The following PDE10A variants were observed in gnomAD, a reference collection of about 807,000 sequenced individuals.
The protein encoded by PDE10A is cAMP and cAMP-inhibited cGMP 3',5'-cyclic phosphodiesterase 10A.
A neutral mutation model predicts 97.7 loss-of-function variants in PDE10A; 39 were observed. That is an observed-to-expected ratio of 0.40 (90% CI 0.31 to 0.52). PDE10A has a LOEUF of 0.52. Ranked by LOEUF, PDE10A falls within the 20% of genes least tolerant of loss-of-function variation. The probability of loss-of-function intolerance (pLI) is 0.56; values close to 1 mark genes in which losing one functional copy is unlikely to be tolerated. For missense variants in PDE10A, 731 were observed against 1,047.8 expected (o/e 0.70, Z 4.17); for synonymous variants, 371 against 376.8 (o/e 0.98, Z 0.18).
chr6:165,482,153 C>A (rs1000271398), intron 3 of PDE10A, among the ~76,000 whole-genome samples, 162 bp downstream of exon 3: 5 of 152,202 alleles, frequency 3.3e-5, no homozygotes, highest in Non-Finnish European at 7.3e-5. Flanking sequence ...TTTGCACCCT[C>A]TCTACTGACT....
intron 1 of PDE10A, among the ~76,000 whole-genome samples, chr6:165,725,794 A>T (rs9365916): frequency 0.65 from 98,761 of 151,998 alleles, 32,613 homozygotes; most frequent in African/African-American, 0.75. Flanking sequence ...CTGTAAAGAC[A>T]CATTCTTTCT....
intron 1 of PDE10A, among the ~76,000 whole-genome samples, chr6:165,837,974 C>T (rs1163044887): frequency 1.3e-5 from 2 of 152,096 alleles, no homozygotes; most frequent in Admixed American, 6.6e-5. Flanking sequence ...CGTGAGCCAC[C>T]TATATCTCTC....
chr6:165,428,507 G>T (rs1163051484), intron 10 of PDE10A, 151 bp downstream of exon 10: 2 of 568,990 alleles, frequency 3.5e-6, no homozygotes, highest in Non-Finnish European at 6.3e-6. Context: ...ATTAACGCAA[G>T]TGACAAACAG....
chr6:165,725,503 C>G (rs1582997868), intron 1 of PDE10A, among the ~76,000 whole-genome samples: 1 of 152,206 alleles, frequency 6.6e-6, no homozygotes, highest in Non-Finnish European at 1.5e-5. Context: ...CATCATACAC[C>G]CTGCAAGGGG....
intron 1 of PDE10A, among the ~76,000 whole-genome samples, chr6:165,742,099 T>C (rs1792740492): frequency 6.6e-6 from 1 of 152,196 alleles, no homozygotes; most frequent in Non-Finnish European, 1.5e-5. Context: ...TCTCATTTAA[T>C]TATCACACCT....
At chr6:165,663,831 A>T (rs1218469634), upstream of PDE10A, among the ~76,000 whole-genome samples, 4 of 152,202 alleles carry the variant, frequency 2.6e-5, no homozygotes, top group Non-Finnish European at 5.9e-5. Flanking sequence ...GCCTTGCCAT[A>T]TGCGGCTCTC....
intron 1 of PDE10A, among the ~76,000 whole-genome samples, chr6:165,808,539 G>A (rs1779198497): frequency 6.6e-6 from 1 of 152,190 alleles, no homozygotes; most frequent in African/African-American, 2.4e-5. Flanking sequence ...AGTTAGATGA[G>A]ATGATCTCTC....
chr6:165,531,802 T>G (rs1782793580), intron 2 of PDE10A, among the ~76,000 whole-genome samples: 1 of 152,180 alleles, frequency 6.6e-6, no homozygotes, highest in Non-Finnish European at 1.5e-5. Flanking sequence ...TTTTGAATAT[T>G]TATGCTCTTT....
chr6:165,980,284 G>A lies in PDE10A; in HGVS notation c.-615+7245C>T, dbSNP rs545529919. Reference sequence around the variant, plus strand: ...CAGCAGGTATGGACAAATGGCCTTCGGTAGAGTTCAAATAGTTATCATTTC... The same window carrying A: ...CAGCAGGTATGGACAAATGGCCTTCAGTAGAGTTCAAATAGTTATCATTTC... On this transcript the variant is annotated intron_variant, in intron 1 of 19. Coordinates refer to the PDE10A transcript ENST00000366882. 2.6e-5 allele frequency among the ~76,000 whole-genome samples: 4 copies of A among 152,258 alleles called. No homozygotes were observed. In the East Asian group the frequency reaches 5.8e-4, roughly 22 times the overall value.
intron 1 of PDE10A, among the ~76,000 whole-genome samples, chr6:165,563,382 C>A (rs1215998426): frequency 1.3e-5 from 2 of 152,126 alleles, no homozygotes; most frequent in East Asian, 1.9e-4. Flanking sequence ...ACGGAAACCA[C>A]AGGCACAAGA....
intron 7 of PDE10A, among the ~76,000 whole-genome samples, chr6:165,432,673 T>A (rs1789683531): frequency 6.6e-6 from 1 of 151,880 alleles, no homozygotes; most frequent in South Asian, 2.1e-4. Context: ...ACAACCAGAG[T>A]GTGAAAAGTC....
intron 1 of PDE10A, among the ~76,000 whole-genome samples, chr6:165,605,697 T>C (rs760854115): frequency 4.6e-5 from 7 of 152,096 alleles, no homozygotes; most frequent in Non-Finnish European, 1.0e-4. Flanking sequence ...GTTGAGTGCC[T>C]GTGGCTTCAA....
intron 1 of PDE10A, among the ~76,000 whole-genome samples, chr6:165,620,828 C>G (rs1218310990): frequency 6.6e-6 from 1 of 152,074 alleles, no homozygotes; most frequent in Non-Finnish European, 1.5e-5. Context: ...CAAGACCATC[C>G]TGGCCAACAT....
chr6:165,441,440 C>G (rs149254174), intron 5 of PDE10A, among the ~76,000 whole-genome samples: 1 of 152,144 alleles, frequency 6.6e-6, no homozygotes, highest in Non-Finnish European at 1.5e-5. Context: ...GTTAAACAAA[C>G]AGCATTTATG....
intron 13 of PDE10A, among the ~76,000 whole-genome samples, chr6:165,408,101 G>T (rs143712738): frequency 2.7e-4 from 41 of 152,204 alleles, no homozygotes; most frequent in African/African-American, 9.4e-4. Context: ...TTCAGTATTA[G>T]AAACAAGAAT....
At chr6:165,774,470 T>C (rs905933704) in intron 1 of PDE10A, among the ~76,000 whole-genome samples, 2 of 148,084 alleles carry the variant, frequency 1.4e-5, no homozygotes, top group Non-Finnish European at 1.5e-5. Context: ...AACATGTATA[T>C]ATAATATATA....
intron 1 of PDE10A, among the ~76,000 whole-genome samples, chr6:165,981,077 G>T (rs1485284827): frequency 6.6e-6 from 1 of 152,136 alleles, no homozygotes; most frequent in Non-Finnish European, 1.5e-5. Context: ...AGGGTCAGGT[G>T]CATGTTTGTT....
At chr6:165,358,970 T>C (rs1162458665) in intron 18 of PDE10A, among the ~76,000 whole-genome samples, 1 of 151,836 alleles carries the variant, frequency 6.6e-6, no homozygotes, top group Non-Finnish European at 1.5e-5. Flanking sequence ...GTTCTTCCAC[T>C]TAACACTTCA....
At chr6:165,470,681 A>G (rs920198901) in intron 3 of PDE10A, among the ~76,000 whole-genome samples, 56 of 152,328 alleles carry the variant, frequency 3.7e-4, no homozygotes, top group African/African-American at 1.3e-3. Context: ...CAAATGATAT[A>G]GAAAGAAGAG....
Sources: gnomAD v4.1 joint callset for allele counts (sites outside exome capture counted in the v4.1 genomes callset) on GRCh38, gnomAD v4.1.1 for gene constraint, MANE v1.5 for transcripts, NCBI Gene and HGNC (gene_info 2026-07-23, HGNC 2026-07-21) for gene names.